The following DYNLT2B variants were observed in gnomAD, a reference collection of about 807,000 sequenced individuals.
DYNLT2B encodes dynein light chain Tctex-type 2B, also known as dynein light chain Tctex-type protein 2B.
A neutral mutation model predicts 19.5 loss-of-function variants in DYNLT2B; 14 were observed. That is an observed-to-expected ratio of 0.72 (90% confidence interval 0.47 to 1.12). The LOEUF (loss-of-function observed/expected upper bound fraction) is 1.12, where lower values mean the gene tolerates loss of function less well. Among genes scored for constraint, DYNLT2B ranks in the 50% most tolerant of loss-of-function variants. The pLI, the probability that DYNLT2B is intolerant of heterozygous loss-of-function variation, is 0.00. For missense variants in DYNLT2B, 133 were observed against 174.7 expected, an observed-to-expected ratio of 0.76 and a Z score of 1.35; for synonymous variants, 70 against 59.7, an observed-to-expected ratio of 1.17 and a Z score of -0.79.
chr3:196,303,104 A>G (rs769597), intron 3 of DYNLT2B, among the ~76,000 whole-genome samples: 79 of 151,168 alleles, frequency 5.2e-4, no homozygotes, highest in East Asian at 2.1e-3. Context: ...CACCACCCAG[A>G]TGGATAAACT....
chr3:196,316,445 T>C (rs1239043225), intron 1 of DYNLT2B, among the ~76,000 whole-genome samples: 1 of 152,148 alleles, frequency 6.6e-6, no homozygotes, highest in African/African-American at 2.4e-5. Context: ...TTCCAACTCA[T>C]GCTCCATATG....
chr3:196,293,837 G>T (rs989905401), intron 4 of DYNLT2B, among the ~76,000 whole-genome samples: 20 of 149,890 alleles, frequency 1.3e-4, no homozygotes, highest in African/African-American at 4.9e-4. Flanking sequence ...TAGAGACGGG[G>T]TTTCAGCATG....
intron 3 of DYNLT2B, among the ~76,000 whole-genome samples, chr3:196,300,206 C>A (rs2108792135): frequency 6.6e-6 from 1 of 152,254 alleles, no homozygotes; most frequent in South Asian, 2.1e-4. Context: ...TTTCTGATCT[C>A]CAGAACTGTA....
chr3:196,310,140 T>C (rs1308198902), intron 2 of DYNLT2B, among the ~76,000 whole-genome samples: 2 of 152,032 alleles, frequency 1.3e-5, no homozygotes, highest in Non-Finnish European at 2.9e-5. Context: ...TTCGCTCTTC[T>C]GCCCAGGGTG....
intron 1 of DYNLT2B, among the ~76,000 whole-genome samples, chr3:196,317,470 AGTGTGTGT>A (rs758076354): frequency 2.5e-4 from 3 of 11,884 alleles, no homozygotes; most frequent in Non-Finnish European, 3.1e-4. Flanking sequence ...TATTTTTTTC[AGTGTGTGT>A]GTGTGTGTGT....
intron 3 of DYNLT2B, among the ~76,000 whole-genome samples, chr3:196,304,704 AC>A (rs79318818): frequency 0.22 from 33,785 of 151,520 alleles, 5,282 homozygotes; most frequent in East Asian, 0.76. Flanking sequence ...AAAAAAAACA[AC>A]AAAAAAATCA....
intron 4 of DYNLT2B, among the ~76,000 whole-genome samples, chr3:196,293,771 A>G (rs1484785847): frequency 6.8e-6 from 1 of 147,602 alleles, no homozygotes; most frequent in Non-Finnish European, 1.5e-5. Context: ...CAGCCTCCCG[A>G]GTAGCTGGGA....
chr3:196,314,231 C>T (rs1347202271), intron 2 of DYNLT2B, among the ~76,000 whole-genome samples: 1 of 152,112 alleles, frequency 6.6e-6, no homozygotes, highest in Non-Finnish European at 1.5e-5. Context: ...ATAGGCCGGG[C>T]ACGGTGGCTC....
chr3:196,315,130 CA>C, intron 2 of DYNLT2B: 1 of 373,676 alleles, frequency 2.7e-6, no homozygotes, highest in Non-Finnish European at 5.2e-6. Context: ...CCCCCATCTG[CA>C]AAAACTTACA....
intron 1 of DYNLT2B, 120 bp from the exon 2 acceptor site, chr3:196,316,351 T>G: frequency 9.4e-7 from 1 of 1,060,494 alleles, no homozygotes; most frequent in South Asian, 2.3e-5. Context: ...TTTCATATTT[T>G]TTATTATAAA....
intron 4 of DYNLT2B, among the ~76,000 whole-genome samples, chr3:196,291,668 T>C (rs1373997021): frequency 2.6e-5 from 4 of 152,136 alleles, no homozygotes; most frequent in African/African-American, 9.7e-5. Flanking sequence ...TTTGTAAAGA[T>C]GAGGTCTCAC....
intron 1 of DYNLT2B, 45 bp downstream of exon 1, chr3:196,317,995 C>G: frequency 7.8e-7 from 1 of 1,287,204 alleles, no homozygotes; most frequent in Non-Finnish European, 1.0e-6. Context: ...GCCCCTCAGA[C>G]CAGCGCGCTC....
chr3:196,315,523 A>G (rs1726762504), intron 2 of DYNLT2B, among the ~76,000 whole-genome samples: 1 of 151,422 alleles, frequency 6.6e-6, no homozygotes, highest in Admixed American at 6.6e-5. Flanking sequence ...AGCCTCCCAA[A>G]GTGCTGCGAT....
At chr3:196,296,640 A>G (rs983604554) in intron 3 of DYNLT2B, among the ~76,000 whole-genome samples, 1 of 152,354 alleles carries the variant, frequency 6.6e-6, no homozygotes, top group South Asian at 2.1e-4. Flanking sequence ...TAAATGCCCA[A>G]TAGGACTGGA....
chr3:196,302,292 G>A (rs981580782), intron 3 of DYNLT2B, among the ~76,000 whole-genome samples: 1 of 152,146 alleles, frequency 6.6e-6, no homozygotes, highest in Non-Finnish European at 1.5e-5. Context: ...AGGGCCCCAA[G>A]CTTAGTTTCT....
At chr3:196,302,316 A>G (rs1577388916) in intron 3 of DYNLT2B, among the ~76,000 whole-genome samples, 1 of 152,304 alleles carries the variant, frequency 6.6e-6, no homozygotes, top group South Asian at 2.1e-4. Flanking sequence ...GCCATTCTCC[A>G]ACACATTGAA....
chr3:196,293,574 C>A (rs1332431312), intron 4 of DYNLT2B, among the ~76,000 whole-genome samples: 1 of 150,072 alleles, frequency 6.7e-6, no homozygotes, highest in African/African-American at 2.4e-5. Flanking sequence ...TGCAGTGAGC[C>A]GTGATGGCAC....
rs141410083 is a variant in DYNLT2B, at chr3:196,313,476, G to A, written c.247+2622C>T. Among the ~76,000 whole-genome samples, 660 of 152,222 alleles carry A rather than the reference G, an allele frequency of 4.3e-3. 5 individuals carry two copies. The highest frequency in any genetic ancestry group is 0.015 in the African/African-American group (628 of 41,532). Reference sequence around the variant, plus strand: ...CTCCAAAAGTGCTGGAATTACAGGCGTGAGCCACTGTGCCTGGCCAATATT... The same window carrying A: ...CTCCAAAAGTGCTGGAATTACAGGCATGAGCCACTGTGCCTGGCCAATATT... On this transcript the variant is annotated intron_variant, in intron 2 of 4. Transcript: ENST00000325318.
At chr3:196,316,374 T>A in intron 1 of DYNLT2B, 143 bp from the exon 2 acceptor site, 1 of 919,828 alleles carries the variant, frequency 1.1e-6, no homozygotes, top group African/African-American at 1.7e-5. Flanking sequence ...ATAAACAAAT[T>A]AAGACAAATC....
Sources: gnomAD v4.1 joint callset for allele counts (sites outside exome capture counted in the v4.1 genomes callset) on GRCh38, gnomAD v4.1.1 for gene constraint, MANE v1.5 for transcripts, NCBI Gene and HGNC (gene_info 2026-07-23, HGNC 2026-07-21) for gene names.